The following IGSF11 variants were observed in gnomAD, a reference collection of about 807,000 sequenced individuals.
The protein encoded by IGSF11 is immunoglobulin superfamily member 11.
In IGSF11, 22 loss-of-function variants were observed where a neutral mutation model predicts 41.0. The observed-to-expected ratio is 0.54, with a 90% confidence interval of 0.38 to 0.77. The LOEUF is 0.77. Ranked by LOEUF, IGSF11 falls within the 30% of genes least tolerant of loss-of-function variation. The pLI, the probability that IGSF11 is intolerant of heterozygous loss-of-function variation, is 0.00. For missense variants in IGSF11, 444 were observed against 530.8 expected, an observed-to-expected ratio of 0.84 and a Z score of 1.61; for synonymous variants, 219 against 201.3, an observed-to-expected ratio of 1.09 and a Z score of -0.74.
Position 119,055,996 on chromosome 3 carries a change from G to C in IGSF11, c.49+49148C>G, listed in dbSNP as rs148455371. Among the ~76,000 whole-genome samples the C allele has an allele frequency of 2.4e-3, 366 of 152,148 alleles. 3 individuals carry two copies. Among genetic ancestry groups the C allele is most frequent in the African/African-American group, 8.1e-3 (338 of 41,534 alleles). On this transcript the variant is annotated intron_variant, in intron 1 of 6. Coordinates refer to the IGSF11 transcript ENST00000354673. ...AGTGTGTAGAGGGAAATTTATAGCA[G>C]TAAATGCCCACAAGAGAAAGCAGGA...
intron 1 of IGSF11, among the ~76,000 whole-genome samples, chr3:119,113,656 T>C (rs776539919): frequency 6.6e-6 from 1 of 152,176 alleles, no homozygotes; most frequent in Non-Finnish European, 1.5e-5. Context: ...TCTAGGCACA[T>C]GGTGCAAGCT....
chr3:119,019,109 G>C (rs9876041), intron 1 of IGSF11, among the ~76,000 whole-genome samples: 4,217 of 152,140 alleles, frequency 0.028, 177 homozygotes, highest in African/African-American at 0.097. Context: ...TTGCAGTGCA[G>C]TTCTTGCAAC....
chr3:119,117,819 T>C (rs377719601), intron 1 of IGSF11, among the ~76,000 whole-genome samples: 1 of 152,168 alleles, frequency 6.6e-6, no homozygotes, highest in South Asian at 2.1e-4. Flanking sequence ...ATTGGGTAAA[T>C]ATTGCCATCC....
chr3:119,127,664 G>A (rs1350542490), intron 1 of IGSF11, among the ~76,000 whole-genome samples: 2 of 152,112 alleles, frequency 1.3e-5, no homozygotes, highest in Non-Finnish European at 2.9e-5. Context: ...GAAAGGCCAG[G>A]TCACCTACAA....
intron 1 of IGSF11, among the ~76,000 whole-genome samples, chr3:118,977,493 A>G (rs764322715): frequency 6.6e-6 from 1 of 152,228 alleles, no homozygotes; most frequent in Non-Finnish European, 1.5e-5. Context: ...TCCACTAAGA[A>G]GAAACAAAAT....
At chr3:119,057,527 C>A (rs1941894168) in intron 1 of IGSF11, among the ~76,000 whole-genome samples, 1 of 152,142 alleles carries the variant, frequency 6.6e-6, no homozygotes, top group Non-Finnish European at 1.5e-5. Flanking sequence ...GAATTGATAT[C>A]ATGAAAATGG....
At chr3:118,937,795 C>A (rs1022504332) in intron 1 of IGSF11, among the ~76,000 whole-genome samples, 3 of 152,158 alleles carry the variant, frequency 2.0e-5, no homozygotes, top group Non-Finnish European at 4.4e-5. Flanking sequence ...GTCTATGTAA[C>A]ATGTAATAGT....
chr3:119,068,707 C>T (rs1336269099), intron 1 of IGSF11, among the ~76,000 whole-genome samples: 1 of 152,136 alleles, frequency 6.6e-6, no homozygotes, highest in Non-Finnish European at 1.5e-5. Flanking sequence ...CTCTGCCAAA[C>T]TGCTTTTGAG....
intron 4 of IGSF11, among the ~76,000 whole-genome samples, chr3:118,923,662 C>T (rs534073302): frequency 1.3e-5 from 2 of 152,274 alleles, no homozygotes; most frequent in Admixed American, 6.5e-5. Context: ...TCAAGGTCAT[C>T]GCCAAGGTCT....
intron 5 of IGSF11, among the ~76,000 whole-genome samples, chr3:118,905,384 G>A (rs530599663): frequency 3.2e-4 from 48 of 152,230 alleles, no homozygotes; most frequent in African/African-American, 1.0e-3. Flanking sequence ...TGAGGAGAAA[G>A]ATATTTTTTC....
chr3:119,054,853 G>T (rs1192966077), intron 1 of IGSF11, among the ~76,000 whole-genome samples: 1 of 152,164 alleles, frequency 6.6e-6, no homozygotes, highest in Non-Finnish European at 1.5e-5. Flanking sequence ...CACACAGCTT[G>T]AGATCTGAGA....
In IGSF11 at chr3:119,076,596, G is replaced by A. The variant is rs191811826; in HGVS notation, c.49+28548C>T. On this transcript the variant is annotated intron_variant, in intron 1 of 6. Transcript: ENST00000354673. ...AACAAACAACCCCATCAAAAAGTGG[G>A]CAAAGGATACAAACAGACACTTCTC... Among the ~76,000 whole-genome samples, 12 of 152,218 alleles carry A rather than the reference G, an allele frequency of 7.9e-5. No homozygotes were observed. In the East Asian group the frequency reaches 2.3e-3, roughly 29 times the overall value.
intron 1 of IGSF11, among the ~76,000 whole-genome samples, chr3:119,122,588 C>G (rs1027216157): frequency 6.6e-6 from 1 of 152,164 alleles, no homozygotes; most frequent in African/African-American, 2.4e-5. Context: ...AATGCATATA[C>G]CGCCCCTCAC....
At chr3:119,091,490 G>A (rs1476224415) in intron 1 of IGSF11, among the ~76,000 whole-genome samples, 2 of 152,196 alleles carry the variant, frequency 1.3e-5, no homozygotes, top group Non-Finnish European at 2.9e-5. Context: ...TTAAACAAAT[G>A]TGATACATAT....
At chr3:119,010,613 T>G (rs1176068788) in intron 1 of IGSF11, among the ~76,000 whole-genome samples, 1 of 152,130 alleles carries the variant, frequency 6.6e-6, no homozygotes, top group Non-Finnish European at 1.5e-5. Context: ...CCCTCAGACA[T>G]AAACTCCCAA....
chr3:119,095,126 G>C (rs1025616005), intron 1 of IGSF11, among the ~76,000 whole-genome samples: 10 of 152,096 alleles, frequency 6.6e-5, no homozygotes, highest in African/African-American at 2.4e-4. Context: ...CTCAAACAAA[G>C]TTGGTATTTG....
At chr3:119,062,056 C>T (rs907640132) in intron 1 of IGSF11, among the ~76,000 whole-genome samples, 3 of 152,124 alleles carry the variant, frequency 2.0e-5, no homozygotes, top group African/African-American at 7.2e-5. Context: ...ATAATTCCTA[C>T]TTCACAGGTT....
At chr3:119,007,697 C>A (rs550782988) in intron 1 of IGSF11, among the ~76,000 whole-genome samples, 1 of 152,300 alleles carries the variant, frequency 6.6e-6, no homozygotes, top group Non-Finnish European at 1.5e-5. Flanking sequence ...CTCCCAACCT[C>A]TACCAAGATC....
At chr3:118,999,847 G>C (rs1936635723) in intron 1 of IGSF11, among the ~76,000 whole-genome samples, 1 of 151,872 alleles carries the variant, frequency 6.6e-6, no homozygotes, top group Non-Finnish European at 1.5e-5. Context: ...TAAGGTCTTG[G>C]GTCCAAAAAA....
Sources: allele counts gnomAD v4.1 joint callset (sites outside exome capture counted in the v4.1 genomes callset), GRCh38; gene constraint gnomAD v4.1.1; transcripts MANE v1.5; gene names NCBI Gene and HGNC (gene_info 2026-07-23, HGNC 2026-07-21).